Variants in C8orf34 observed in about 807,000 individuals in gnomAD.
C8orf34 encodes uncharacterized protein C8orf34.
In C8orf34, 65 loss-of-function variants were observed where a neutral mutation model predicts 68.3. The ratio of observed to expected loss-of-function variants is 0.95; its 90% CI spans 0.78 to 1.17. The LOEUF (loss-of-function observed/expected upper bound fraction) is 1.17. C8orf34 is among the 50% of genes most tolerant of loss of function. The pLI is 0.00. For synonymous variants in C8orf34, 244 were observed against 241.2 expected (o/e 1.01, Z -0.11); for missense variants, 664 against 655.4 (o/e 1.01, Z -0.14).
intron 1 of C8orf34, among the ~76,000 whole-genome samples, chr8:68,340,750 A>G (rs533378594): frequency 2.0e-5 from 3 of 152,342 alleles, no homozygotes; most frequent in African/African-American, 7.2e-5. Flanking sequence ...TACTAATTCT[A>G]TACACTGTCT....
intron 8 of C8orf34, among the ~76,000 whole-genome samples, chr8:68,642,666 GAAAATGT>G (rs1367322937): frequency 2.0e-5 from 3 of 152,170 alleles, no homozygotes; most frequent in Admixed American, 2.0e-4. Context: ...ACTGAACTTA[GAAAATGT>G]GACTATTCCA....
intron 3 of C8orf34, among the ~76,000 whole-genome samples, chr8:68,467,062 G>C (rs1218434761): frequency 6.6e-5 from 10 of 151,350 alleles, no homozygotes; most frequent in Admixed American, 5.9e-4. Context: ...TTTAGATGTT[G>C]CTTCTGGTTC....
At chr8:68,575,956 G>GTTTTTTTTTT (rs59081528) in intron 7 of C8orf34, among the ~76,000 whole-genome samples, 2 of 96,348 alleles carry the variant, frequency 2.1e-5, no homozygotes, top group Non-Finnish European at 4.2e-5. Context: ...GTAGATGGTT[G>GTTTTTTTTTT]TTTTTTTTTT....
intron 4 of C8orf34, among the ~76,000 whole-genome samples, chr8:68,478,395 T>C (rs4275215): frequency 0.69 from 105,209 of 151,986 alleles, 36,897 homozygotes; most frequent in East Asian, 0.89. Context: ...TAGTCAAAGC[T>C]ATTCAACAAG....
In C8orf34 at chr8:68,403,612, C is replaced by T. The variant is rs188293231; in HGVS notation, c.328-35887C>T. Among the ~76,000 whole-genome samples, 800 of 152,138 alleles carry T rather than the reference C, an allele frequency of 5.3e-3. 24 individuals carry two copies. The East Asian group carries it at 0.089, about 17-fold the overall frequency. On this transcript the variant is annotated intron_variant, in intron 1 of 13. Transcript: ENST00000518698. ...ATGTGTTCTCATTGTTCAACTCCCA[C>T]TTATGAGTGAGAACATGTGGTGTTT... is the stretch of plus-strand genomic sequence containing the variant.
rs1824883831 is a variant in C8orf34 at position 68,818,397 on chromosome 8, G to A, written c.*151G>A. Reference sequence around the variant, plus strand: ...TAAACAAGTACTATCGTAGCCAGGGGGTGCCCAAGTATGTAATCAGAGAAC... The same window carrying A: ...TAAACAAGTACTATCGTAGCCAGGGAGTGCCCAAGTATGTAATCAGAGAAC... On this transcript the variant is annotated 3_prime_UTR_variant, in exon 14 of 14. Transcript: ENST00000518698. 1 of 851,246 alleles carries A rather than the reference G, an allele frequency of 1.2e-6. No individual in the cohort carries two copies. Among genetic ancestry groups the A allele is most frequent in the South Asian group, 1.8e-5 (1 of 55,900 alleles). 52.7% of individuals were successfully genotyped at this position (851,246 alleles called of 1,614,324 possible).
At chr8:68,391,239 C>A (rs573455049) in intron 1 of C8orf34, among the ~76,000 whole-genome samples, 194 of 152,186 alleles carry the variant, frequency 1.3e-3, no homozygotes, top group Non-Finnish European at 2.4e-3. Context: ...ATATTATAAT[C>A]CTAAAAAGGA....
chr8:68,706,383 G>C (rs974044864), intron 8 of C8orf34, among the ~76,000 whole-genome samples: 5 of 152,114 alleles, frequency 3.3e-5, no homozygotes, highest in Non-Finnish European at 5.9e-5. Context: ...TGGTTGCGTA[G>C]AAAGTGTTAA....
chr8:68,475,662 G>A (rs1027857013), intron 4 of C8orf34, among the ~76,000 whole-genome samples: 15 of 152,078 alleles, frequency 9.9e-5, no homozygotes, highest in South Asian at 2.1e-4. Flanking sequence ...AAGTAAGCAC[G>A]TAAACAAATA....
chr8:68,421,133 A>G (rs571607086), intron 1 of C8orf34, among the ~76,000 whole-genome samples: 1 of 152,306 alleles, frequency 6.6e-6, no homozygotes, highest in South Asian at 2.1e-4. Flanking sequence ...TTACAAAAAC[A>G]AGACAAAACT....
chr8:68,705,130 C>T (rs1821126631), intron 8 of C8orf34, among the ~76,000 whole-genome samples: 1 of 152,142 alleles, frequency 6.6e-6, no homozygotes, highest in Non-Finnish European at 1.5e-5. Flanking sequence ...GATGAGTTTG[C>T]TTTTGGACAT....
At chr8:68,610,017 A>T (rs948273667) in intron 7 of C8orf34, among the ~76,000 whole-genome samples, 1 of 152,170 alleles carries the variant, frequency 6.6e-6, no homozygotes, top group Non-Finnish European at 1.5e-5. Flanking sequence ...GATCAAGTGC[A>T]TCGTTATCTC....
chr8:68,780,012 C>G (rs1357947327), intron 11 of C8orf34, among the ~76,000 whole-genome samples: 4 of 152,204 alleles, frequency 2.6e-5, no homozygotes, highest in Non-Finnish European at 5.9e-5. Flanking sequence ...ACAAATAAAG[C>G]ATTCCAATGA....
chr8:68,482,136 A>C (rs1188684668), intron 4 of C8orf34, among the ~76,000 whole-genome samples: 1 of 152,176 alleles, frequency 6.6e-6, no homozygotes, highest in African/African-American at 2.4e-5. Flanking sequence ...ATGCTAGTGA[A>C]TAAGTCTCAT....
chr8:68,548,443 T>A (rs1252332611), intron 7 of C8orf34, among the ~76,000 whole-genome samples: 2 of 151,732 alleles, frequency 1.3e-5, no homozygotes, highest in Non-Finnish European at 3.0e-5. Context: ...TTTAACATAA[T>A]TAACCATCAG....
Position 68,599,000 on chromosome 8 carries a change from G to T in C8orf34, c.1106-41376G>T, listed in dbSNP as rs139433562. Among the ~76,000 whole-genome samples the T allele has an allele frequency of 3.8e-3, 584 of 151,844 alleles. 6 individuals are homozygous for T. The highest frequency in any genetic ancestry group is 0.013 in the African/African-American group (524 of 41,448). On this transcript the variant is annotated intron_variant, in intron 7 of 13. Coordinates refer to ENST00000518698, the MANE Select transcript of C8orf34 (RefSeq NM_052958.4). ...AAAGAGAATAGAAAATGACAATATGGTGAGATTTAAGTGGAATTCTAGTAG... is the reference window on the plus strand; with the variant it reads ...AAAGAGAATAGAAAATGACAATATGTTGAGATTTAAGTGGAATTCTAGTAG...
intron 5 of C8orf34, among the ~76,000 whole-genome samples, chr8:68,496,319 C>T (rs934733452): frequency 6.6e-6 from 1 of 152,128 alleles, no homozygotes; most frequent in Non-Finnish European, 1.5e-5. Flanking sequence ...ATAACAACCC[C>T]ATGAGAAAGC....
At chr8:68,516,783 G>A (rs904892152) in intron 5 of C8orf34, among the ~76,000 whole-genome samples, 4 of 151,968 alleles carry the variant, frequency 2.6e-5, no homozygotes, top group Admixed American at 6.6e-5. Flanking sequence ...TGAGATTATA[G>A]GCGTGTGCCA....
chr8:68,794,621 G>T (rs1317918039), intron 12 of C8orf34, among the ~76,000 whole-genome samples: 1 of 148,608 alleles, frequency 6.7e-6, no homozygotes, highest in Non-Finnish European at 1.5e-5. Flanking sequence ...TCTCCCACTG[G>T]GACTACAGGT....
Sources: gnomAD v4.1 joint callset for allele counts (sites outside exome capture counted in the v4.1 genomes callset) on GRCh38, gnomAD v4.1.1 for gene constraint, MANE v1.5 for transcripts, NCBI Gene and HGNC (gene_info 2026-07-23, HGNC 2026-07-21) for gene names.